PINX1: variants seen among roughly 807,000 people sequenced by gnomAD.
The protein encoded by PINX1 is PIN2 (TERF1) interacting telomerase inhibitor 1.
PINX1 carries 34 observed loss-of-function variants against 25.4 expected under a neutral mutation model. The ratio of observed to expected loss-of-function variants is 1.34; its 90% CI spans 1.02 to 1.78. The LOEUF is 1.78. Ranked by LOEUF, PINX1 falls within the 40% of genes most tolerant of loss-of-function variation. The probability of loss-of-function intolerance (pLI) is 0.00; values close to 1 mark genes in which losing one functional copy is unlikely to be tolerated. For missense variants in PINX1, 592 were observed against 404.9 expected, an observed-to-expected ratio of 1.46 and a Z score of -3.97; for synonymous variants, 197 against 147.7, an observed-to-expected ratio of 1.33 and a Z score of -2.42.
chr8:10,826,634 C>G (rs994767148), intron 4 of PINX1, among the ~76,000 whole-genome samples: 1 of 151,910 alleles, frequency 6.6e-6, no homozygotes, highest in Non-Finnish European at 1.5e-5. Context: ...AGCTGAGCAA[C>G]CCCTGGGCCA....
At chr8:10,768,302 A>G (rs1229122772) in intron 6 of PINX1, among the ~76,000 whole-genome samples, 1 of 152,238 alleles carries the variant, frequency 6.6e-6, no homozygotes, top group African/African-American at 2.4e-5. Context: ...GTCGAATCCT[A>G]TGACTCCTTA....
intron 6 of PINX1, among the ~76,000 whole-genome samples, chr8:10,802,305 A>G (rs990830550): frequency 2.0e-5 from 3 of 152,164 alleles, no homozygotes; most frequent in Admixed American, 6.5e-5. Context: ...AACTTCTGTG[A>G]CTTACACACA....
chr8:10,766,395 C>A (rs1024936861), intron 6 of PINX1, among the ~76,000 whole-genome samples: 2 of 152,116 alleles, frequency 1.3e-5, no homozygotes, highest in Non-Finnish European at 2.9e-5. Flanking sequence ...ACTTAGACGC[C>A]ATCTGGATAG....
chr8:10,832,370 C>T (rs1265069116), intron 3 of PINX1, among the ~76,000 whole-genome samples: 1 of 152,320 alleles, frequency 6.6e-6, no homozygotes, highest in East Asian at 1.9e-4. Flanking sequence ...ATCTGCCTTA[C>T]TCACATTCTT....
chr8:10,824,868 G>C (rs374456809), intron 5 of PINX1, among the ~76,000 whole-genome samples: 14 of 152,318 alleles, frequency 9.2e-5, no homozygotes, highest in African/African-American at 3.4e-4. Context: ...TGCTATTTCA[G>C]GGACTGGGTA....
chr8:10,785,861 G>A (rs947035112), intron 6 of PINX1, among the ~76,000 whole-genome samples: 1 of 152,236 alleles, frequency 6.6e-6, no homozygotes, highest in African/African-American at 2.4e-5. Context: ...ATAGTGTACT[G>A]AGAATAGTTC....
chr8:10,802,848 T>A lies in PINX1; in HGVS notation c.471+17345A>T, dbSNP rs750790921. 2.6e-5 allele frequency among the ~76,000 whole-genome samples: 4 copies of A among 152,200 alleles called. No individual in the cohort carries two copies. The East Asian group carries it at 7.7e-4, about 29-fold the overall frequency. On this transcript the variant is annotated intron_variant, in intron 6 of 6. Coordinates refer to ENST00000314787, the MANE Select transcript of PINX1 (RefSeq NM_017884.6). ...CCTGGGACAACTATCTTTCTTCTCT[T>A]TGTTTGCTTCCAGCCCTGACTTCTA...
chr8:10,787,796 C>T, intron 6 of PINX1: 1 of 455,640 alleles, frequency 2.2e-6, no homozygotes, highest in Non-Finnish European at 4.4e-6. Flanking sequence ...TTCTGTAAGA[C>T]AAGGAATCCA....
At chr8:10,785,089 G>C (rs1801705726) in intron 6 of PINX1, among the ~76,000 whole-genome samples, 1 of 152,144 alleles carries the variant, frequency 6.6e-6, no homozygotes, top group South Asian at 2.1e-4. Context: ...CTTCTTTTTA[G>C]AAAATTCCCA....
chr8:10,838,721 C>A (rs954970583), intron 1 of PINX1, among the ~76,000 whole-genome samples: 1 of 152,182 alleles, frequency 6.6e-6, no homozygotes, highest in Non-Finnish European at 1.5e-5. Context: ...AAAACATACT[C>A]ATTTCTATGG....
chr8:10,799,778 C>T (rs919566131), intron 6 of PINX1, among the ~76,000 whole-genome samples: 8 of 152,200 alleles, frequency 5.3e-5, no homozygotes, highest in African/African-American at 1.9e-4. Context: ...CAAGGGAGGA[C>T]AATGTCCAAG....
At chr8:10,796,158 T>C (rs1802077547) in intron 6 of PINX1, among the ~76,000 whole-genome samples, 1 of 152,096 alleles carries the variant, frequency 6.6e-6, no homozygotes, top group African/African-American at 2.4e-5. Flanking sequence ...GCACAGAGAA[T>C]ATCTGCTGAG....
intron 6 of PINX1, among the ~76,000 whole-genome samples, chr8:10,802,563 A>G (rs577280205): frequency 3.9e-5 from 6 of 152,268 alleles, no homozygotes; most frequent in African/African-American, 1.4e-4. Context: ...ACAAAAACCT[A>G]TTGGTTACTC....
rs74767474 is a variant in PINX1, at chr8:10,803,520, T to C, written c.471+16673A>G. On this transcript the variant is annotated intron_variant, in intron 6 of 6. Transcript: ENST00000314787. Reference sequence around the variant, plus strand: ...ATATTTTTTTCATTCCACTGACTTATTGTAGAAATTGGGTCAATTGTTTCG... The same window carrying C: ...ATATTTTTTTCATTCCACTGACTTACTGTAGAAATTGGGTCAATTGTTTCG... 5.8e-3 allele frequency among the ~76,000 whole-genome samples: 887 copies of C among 152,358 alleles called. 3 individuals carry two copies. The highest frequency in any genetic ancestry group is 7.2e-3 in the African/African-American group (299 of 41,594).
chr8:10,796,616 C>G (rs1802092004), intron 6 of PINX1, among the ~76,000 whole-genome samples: 2 of 152,008 alleles, frequency 1.3e-5, no homozygotes, highest in African/African-American at 4.8e-5. Context: ...TCCTAGAAAA[C>G]AAACTTGCTC....
intron 5 of PINX1, among the ~76,000 whole-genome samples, chr8:10,823,739 G>T (rs117502369): frequency 0.011 from 1,713 of 152,264 alleles, 96 homozygotes; most frequent in Admixed American, 0.091. Context: ...AAGGCAGGAC[G>T]ATCACTTGAG....
chr8:10,816,003 C>T (rs12155811), intron 6 of PINX1, among the ~76,000 whole-genome samples: 24,364 of 152,090 alleles, frequency 0.16, 2,445 homozygotes, highest in Non-Finnish European at 0.23. Context: ...TCTGTACACA[C>T]GATATTCCAC....
chr8:10,797,214 G>C (rs1802112297), intron 6 of PINX1, among the ~76,000 whole-genome samples: 1 of 152,190 alleles, frequency 6.6e-6, no homozygotes, highest in Non-Finnish European at 1.5e-5. Flanking sequence ...ACCTTTGTCA[G>C]CTTCCTCATG....
intron 6 of PINX1, among the ~76,000 whole-genome samples, chr8:10,792,029 C>T (rs1365911943): frequency 6.6e-6 from 1 of 152,324 alleles, no homozygotes; most frequent in Admixed American, 6.5e-5. Flanking sequence ...CCCCCTCTCT[C>T]CCGCTCAGGA....
Sources: allele counts gnomAD v4.1 joint callset (sites outside exome capture counted in the v4.1 genomes callset), GRCh38; gene constraint gnomAD v4.1.1; transcripts MANE v1.5; gene names NCBI Gene and HGNC (gene_info 2026-07-23, HGNC 2026-07-21).